Variants in OXTR observed in about 807,000 individuals in gnomAD.
OXTR encodes the protein oxytocin receptor.
In OXTR, 19 loss-of-function variants were observed where a neutral mutation model predicts 23.9. The ratio of observed to expected loss-of-function variants is 0.80; its 90% CI spans 0.56 to 1.17. The LOEUF is 1.17. Among genes scored for constraint, OXTR ranks in the 50% most tolerant of loss-of-function variants. The pLI is 0.00. For missense variants in OXTR, 500 were observed against 550.7 expected (o/e 0.91, Z 0.92); for synonymous variants, 278 against 250.5 (o/e 1.11, Z -1.04).
At chr3:8,763,449 C>A (rs772913732) in intron 3 of OXTR, among the ~76,000 whole-genome samples, 1 of 152,126 alleles carries the variant, frequency 6.6e-6, no homozygotes, top group African/African-American at 2.4e-5. Context: ...TCCTGTCCAC[C>A]GCACCCAATC....
At position 8,751,300 on chromosome 3, in the gene OXTR, G is replaced by A. The variant is rs1217405016; in HGVS notation, c.*1677C>T. 3 of 152,052 alleles carry A rather than the reference G, an allele frequency of 2.0e-5. No individual in the cohort carries two copies. Among genetic ancestry groups the A allele is most frequent in the African/African-American group, 7.2e-5 (3 of 41,398 alleles). 9.4% of individuals were successfully genotyped at this position (152,052 alleles called of 1,614,324 possible). ...GATACAAGCCCCTTATCATATATAT[G>A]ACTCGCAAATATTTTCTCCCATTCT... On this transcript the variant is annotated 3_prime_UTR_variant, in exon 4 of 4. Transcript: ENST00000316793.
At chr3:8,761,092 C>G (rs1708475796) in intron 3 of OXTR, among the ~76,000 whole-genome samples, 1 of 152,126 alleles carries the variant, frequency 6.6e-6, no homozygotes, top group Non-Finnish European at 1.5e-5. Flanking sequence ...ACAGCTCCTC[C>G]CTGACACACA....
At chr3:8,744,926 C>G in the OXTR span, 1 of 153,290 alleles carries the variant, frequency 6.5e-6, no homozygotes, top group Non-Finnish European at 1.5e-5. Context: ...CAACAGGGAG[C>G]TTGTTAGAAA....
rs1708717957 is a variant in OXTR, at chr3:8,769,522, C to T, written c.-530G>A. On this transcript the variant is annotated 5_prime_UTR_variant, in exon 1 of 4. Transcript: ENST00000316793. ...TGCGCTGGGGCTGAGGCTGCACTAT[C>T]GCACGGGTCCGCTAGGGGGCGGGCG... 1 of 152,316 alleles carries T rather than the reference C, an allele frequency of 6.6e-6. No homozygotes were observed. Among genetic ancestry groups the T allele is most frequent in the African/African-American group, 2.4e-5 (1 of 41,476 alleles). The allele number at this position is 152,316 out of a possible 1,614,324, so 9.4% of individuals were successfully genotyped here.
rs533894200 is a variant in OXTR, at chr3:8,758,042, T to C, written c.923-4818A>G. 3.3e-5 allele frequency among the ~76,000 whole-genome samples: 5 copies of C among 152,224 alleles called. No homozygotes were observed. The South Asian group carries it at 1.0e-3, about 32-fold the overall frequency. The stretch of plus-strand genomic sequence containing the variant: ...GGTGGTTTTCAAGTGCAGTCTCTTG[T>C]GTGCCAAGCGGGGGACATGAGCAGA... On this transcript the variant is annotated intron_variant, in intron 3 of 3. Transcript: ENST00000316793.
intron 3 of OXTR, 67 bp from the exon 4 acceptor site, chr3:8,753,291 T>G (rs1448575486): frequency 3.7e-5 from 57 of 1,546,290 alleles, no homozygotes; most frequent in Non-Finnish European, 4.9e-5. Context: ...CTTCCAGACC[T>G]ATCTGACTTA....
intron 3 of OXTR, among the ~76,000 whole-genome samples, chr3:8,759,608 A>G (rs1708445878): frequency 6.6e-6 from 1 of 152,242 alleles, no homozygotes; most frequent in Non-Finnish European, 1.5e-5. Flanking sequence ...CAGTAAGGTG[A>G]CTGGACTCAA....
At chr3:8,746,028 G>C (rs1245296999), downstream of OXTR, 8 of 616,024 alleles carry the variant, frequency 1.3e-5, no homozygotes, top group East Asian at 2.8e-5. Context: ...AAGAAAAGAC[G>C]GCCCAGCCAC....
In OXTR at chr3:8,753,314, T is replaced by G. The variant is rs552470030; in HGVS notation, c.923-90A>C. 133 of 1,437,902 alleles carry G rather than the reference T, an allele frequency of 9.2e-5. No individual in the cohort carries two copies. The African/African-American group carries it at 1.7e-3, about 18-fold the overall frequency. 89.1% of individuals were successfully genotyped at this position (1,437,902 alleles called of 1,614,324 possible). ...CCTATCTGACTTAAACATCATTTCC[T>G]GAGCGACAGCCTTGTCCAAGTACTA... is the stretch of plus-strand genomic sequence containing the variant. On this transcript the variant is annotated intron_variant, in intron 3 of 3. Transcript: ENST00000316793.
chr3:8,764,265 A>G (rs989128222), intron 3 of OXTR, among the ~76,000 whole-genome samples: 1 of 152,198 alleles, frequency 6.6e-6, no homozygotes, highest in African/African-American at 2.4e-5. Context: ...TAAAGCAGGA[A>G]CAGACCCATG....
downstream of OXTR, among the ~76,000 whole-genome samples, chr3:8,748,309 C>T (rs919422920): frequency 1.3e-5 from 2 of 152,204 alleles, no homozygotes; most frequent in East Asian, 1.9e-4. Context: ...CTATCATCCC[C>T]AGAGTTCCAC....
At chr3:8,745,383 C>A, downstream of OXTR, 3 of 672,586 alleles carry the variant, frequency 4.5e-6, no homozygotes, top group Non-Finnish European at 8.0e-6. This position sits in a 1 kb window ranked among gnomAD's most constrained non-coding sequence, Gnocchi z 4.8. Flanking sequence ...TAAAGCAATG[C>A]AAGAATAGCC....
At chr3:8,763,855 T>C (rs572857904) in intron 3 of OXTR, among the ~76,000 whole-genome samples, 1 of 152,200 alleles carries the variant, frequency 6.6e-6, no homozygotes, top group South Asian at 2.1e-4. Flanking sequence ...AGCTTGTCTA[T>C]ACACAGAGAG....
chr3:8,752,957 C>A lies in OXTR; in HGVS notation c.*20G>T. The A allele has an allele frequency of 6.2e-7, 1 of 1,603,432 alleles. No homozygotes were observed. Among genetic ancestry groups the A allele is most frequent in the South Asian group, 1.1e-5 (1 of 89,594 alleles). ...GCACAGCCTGAGCCTCAGGCTGCAG[C>A]CCTGGCCCTGGCTGGTGGGTCACGC... is the stretch of plus-strand genomic sequence containing the variant. On this transcript the variant is annotated 3_prime_UTR_variant, in exon 4 of 4. Transcript: ENST00000316793.
chr3:8,742,360 C>CAAAAA, the OXTR span: 186 of 242,118 alleles, frequency 7.7e-4, 1 homozygote, highest in South Asian at 1.1e-3. Context: ...CTGCAAACAC[C>CAAAAA]AAAAAAAAAA....
chr3:8,752,638 T>C lies in OXTR; in HGVS notation c.*339A>G, dbSNP rs80250055. ...GACCCAATTGGTCACCAATCCTATATTTACCGCTTTTCACAATATCCCAGA... is the reference window on the plus strand; with the variant it reads ...GACCCAATTGGTCACCAATCCTATACTTACCGCTTTTCACAATATCCCAGA... On this transcript the variant is annotated 3_prime_UTR_variant, in exon 4 of 4. Coordinates refer to ENST00000316793, the MANE Select transcript of OXTR (RefSeq NM_000916.4). 1.5e-3 allele frequency: 375 copies of C among 256,504 alleles called. 2 individuals carry two copies. Among genetic ancestry groups the C allele is most frequent in the African/African-American group, 7.8e-3 (357 of 45,608 alleles). The allele number at this position is 256,504 out of a possible 1,614,324, so 15.9% of individuals were successfully genotyped here.
In OXTR at chr3:8,768,120, G is replaced by A; in HGVS notation, c.68C>T (p.Ala23Val). Residue 23 changes from alanine to valine, a missense_variant, in exon 3 of 4, where the codon GCC (alanine) becomes GTC (valine). Transcript: ENST00000316793. The surrounding 1 kb of genome is among the most constrained non-coding windows in gnomAD (Gnocchi z 5.4). ...AANASAAPPG[A>V]EGNRTAGPPR... ...GGGTCCGGCGGTGCGGTTGCCCTCG[G>A]CCCCCGGCGGCGCGGCGCTGGCGTT... 7.3e-7 allele frequency: 1 copy of A among 1,363,386 alleles called. No individual in the cohort carries two copies. The highest frequency in any genetic ancestry group is 9.4e-7 in the Non-Finnish European group (1 of 1,065,866). The allele number at this position is 1,363,386 out of a possible 1,614,324, so 84.5% of individuals were successfully genotyped here.
At chr3:8,762,345 A>G (rs138333458) in intron 3 of OXTR, among the ~76,000 whole-genome samples, 2 of 152,310 alleles carry the variant, frequency 1.3e-5, no homozygotes, top group East Asian at 1.9e-4. Flanking sequence ...GCTGTTATTT[A>G]TCAAACCTTT....
At position 8,750,866 on chromosome 3, in the gene OXTR, T is replaced by C. The variant is rs1311030697; in HGVS notation, c.*2111A>G. ...ATTGGTGTACAAGTTTTTGTGTGTA[T>C]GTACGTTTTCATTTCTCTTGGGTAA... On this transcript the variant is annotated 3_prime_UTR_variant, in exon 4 of 4. Transcript: ENST00000316793. 1.3e-5 allele frequency: 2 copies of C among 152,242 alleles called. No homozygotes were observed. Among genetic ancestry groups the C allele is most frequent in the East Asian group, 1.9e-4 (1 of 5,204 alleles). The allele number at this position is 152,242 out of a possible 1,614,324, so 9.4% of individuals were successfully genotyped here. A position where few individuals can be genotyped will look rare whatever the true frequency, so the allele number is the denominator to read the frequency against.
Sources: gnomAD v4.1 joint callset for allele counts (sites outside exome capture counted in the v4.1 genomes callset) on GRCh38, gnomAD v4.1.1 for gene constraint, Gnocchi (gnomAD v3.1) non-coding constraint, MANE v1.5 for transcripts, NCBI Gene and HGNC (gene_info 2026-07-23, HGNC 2026-07-21) for gene names.